Variants in PLCB4 observed in about 807,000 individuals in gnomAD.
PLCB4 encodes 1-phosphatidylinositol 4,5-bisphosphate phosphodiesterase beta-4.
PLCB4 carries 77 observed loss-of-function variants against 178.8 expected under a neutral mutation model. That is an observed-to-expected ratio of 0.43 (90% CI 0.36 to 0.52). The LOEUF (loss-of-function observed/expected upper bound fraction) is 0.52, where lower values mean the gene tolerates loss of function less well. Among genes scored for constraint, PLCB4 ranks in the 20% least tolerant of loss-of-function variants. PLCB4 has a pLI of 0.00. For missense variants in PLCB4, 1,024 were observed against 1,453.4 expected (o/e 0.70, Z 4.80); for synonymous variants, 496 against 490.8 (o/e 1.01, Z -0.14).
chr20:9,329,368 A>G (rs1217459302), intron 4 of PLCB4, among the ~76,000 whole-genome samples: 2 of 152,158 alleles, frequency 1.3e-5, no homozygotes, highest in Non-Finnish European at 2.9e-5. Flanking sequence ...TAGCTCCTAT[A>G]TCAATAATAA....
intron 2 of PLCB4, among the ~76,000 whole-genome samples, chr20:9,187,210 A>G (rs926416246): frequency 9.2e-5 from 14 of 151,964 alleles, no homozygotes; most frequent in Admixed American, 2.0e-4. Flanking sequence ...CCTGACCTCA[A>G]GTGATCTGTC....
chr20:9,363,070 C>T, intron 8 of PLCB4, 95 bp downstream of exon 8: 1 of 857,472 alleles, frequency 1.2e-6, no homozygotes, highest in Non-Finnish European at 1.9e-6. Flanking sequence ...CCTCCAAATT[C>T]CTGCTTGCCT....
chr20:9,378,947 G>T (rs947371572), intron 12 of PLCB4, among the ~76,000 whole-genome samples: 1 of 152,062 alleles, frequency 6.6e-6, no homozygotes, highest in Non-Finnish European at 1.5e-5. Context: ...ACTTTTAACA[G>T]TTGCTTTTTA....
chr20:9,431,321 T>C (rs929289746), intron 28 of PLCB4, among the ~76,000 whole-genome samples: 10 of 152,224 alleles, frequency 6.6e-5, no homozygotes, highest in African/African-American at 2.4e-4. Context: ...CACCCTGATC[T>C]AGTAGGATCT....
At position 9,480,474 on chromosome 20, in the gene PLCB4, A is replaced by G. The variant is rs1273698525; in HGVS notation, c.*1465A>G. The stretch of plus-strand genomic sequence containing the variant: ...TCTCTAATAAAAAATTAAAACACGC[A>G]TAACACTCGTCAAGAGTATTTGCTC... On this transcript the variant is annotated 3_prime_UTR_variant, in exon 40 of 40. Transcript: ENST00000378473. 6 of 152,642 alleles carry G rather than the reference A, an allele frequency of 3.9e-5. No individual in the cohort carries two copies. Among genetic ancestry groups the G allele is most frequent in the East Asian group, 1.9e-4 (1 of 5,202 alleles). The allele number at this position is 152,642 out of a possible 1,614,324, so 9.5% of individuals were successfully genotyped here.
intron 9 of PLCB4, among the ~76,000 whole-genome samples, chr20:9,369,303 C>A (rs536816999): frequency 6.6e-6 from 1 of 152,274 alleles, no homozygotes; most frequent in East Asian, 1.9e-4. Flanking sequence ...AAAGATTGTT[C>A]TCCTGAGAGC....
chr20:9,309,704 A>G lies in PLCB4; in HGVS notation c.84+1806A>G, dbSNP rs73093885. 9.4e-3 allele frequency among the ~76,000 whole-genome samples: 1,425 copies of G among 152,350 alleles called. 9 individuals carry two copies. The highest frequency in any genetic ancestry group is 0.015 in the Non-Finnish European group (1,022 of 68,026). ...TTACATGCAATCATTGGTTCAGTATATCTCCTACTGTTATGTAAGAAAAAG... is the reference window on the plus strand; with the variant it reads ...TTACATGCAATCATTGGTTCAGTATGTCTCCTACTGTTATGTAAGAAAAAG... On this transcript the variant is annotated intron_variant, in intron 4 of 39. Transcript: ENST00000378473.
Position 9,176,998 on chromosome 20 carries a change from T to C in PLCB4, c.-78-40392T>C, listed in dbSNP as rs1424444789. ...GGAGGAAACTGAGAAAGAATGATTA[T>C]ATAAGGAGCAACAATGATGGACTGG... On this transcript the variant is annotated intron_variant, in intron 2 of 39. Coordinates refer to ENST00000378473, the MANE Select transcript of PLCB4 (RefSeq NM_001377142.1). Among the ~76,000 whole-genome samples, 4 of 152,014 alleles carry C rather than the reference T, an allele frequency of 2.6e-5. No individual in the cohort carries two copies. The East Asian group carries it at 7.7e-4, about 29-fold the overall frequency.
At chr20:9,469,959 G>T (rs960134329) in intron 36 of PLCB4, among the ~76,000 whole-genome samples, 3 of 152,210 alleles carry the variant, frequency 2.0e-5, no homozygotes, top group Non-Finnish European at 4.4e-5. Flanking sequence ...AGCAGTTAGG[G>T]ACAGTGGGGT....
At chr20:9,168,269 ATGGAGGC>A (rs2093005558) in intron 2 of PLCB4, among the ~76,000 whole-genome samples, 1 of 152,160 alleles carries the variant, frequency 6.6e-6, no homozygotes, top group African/African-American at 2.4e-5. Context: ...TCTTATACAG[ATGGAGGC>A]TAGAACTGAA....
At chr20:9,083,440 T>C (rs1414913131) in intron 1 of PLCB4, among the ~76,000 whole-genome samples, 2 of 151,944 alleles carry the variant, frequency 1.3e-5, no homozygotes, top group Non-Finnish European at 2.9e-5. Flanking sequence ...ACATAAGAAA[T>C]GGAGCCAATT....
chr20:9,433,105 G>A (rs1460426815), intron 28 of PLCB4, among the ~76,000 whole-genome samples: 3 of 151,992 alleles, frequency 2.0e-5, no homozygotes, highest in Admixed American at 6.6e-5. Flanking sequence ...GAGAATCACC[G>A]AATTGCTGTG....
intron 7 of PLCB4, among the ~76,000 whole-genome samples, chr20:9,351,144 T>C (rs1339941515): frequency 1.3e-5 from 2 of 151,876 alleles, no homozygotes; most frequent in Non-Finnish European, 2.9e-5. Context: ...GTATTTCTTT[T>C]TTTTTTTTTT....
chr20:9,129,294 A>T (rs1269441416), intron 2 of PLCB4, among the ~76,000 whole-genome samples: 2 of 152,112 alleles, frequency 1.3e-5, no homozygotes, highest in Non-Finnish European at 2.9e-5. Flanking sequence ...ACCAATTAGG[A>T]TAGAAATTGG....
chr20:9,322,968 C>T (rs1360290160), intron 4 of PLCB4, among the ~76,000 whole-genome samples: 2 of 152,170 alleles, frequency 1.3e-5, no homozygotes, highest in Non-Finnish European at 2.9e-5. Context: ...ATACCTACCT[C>T]GCATTGCCAT....
At chr20:9,242,740 A>G (rs1441190317) in intron 3 of PLCB4, among the ~76,000 whole-genome samples, 2 of 152,114 alleles carry the variant, frequency 1.3e-5, no homozygotes, top group Admixed American at 1.3e-4. Flanking sequence ...CAAAGTGTGG[A>G]CCCTGGATGA....
At chr20:9,331,831 A>G (rs142922487) in intron 4 of PLCB4, among the ~76,000 whole-genome samples, 215 of 152,282 alleles carry the variant, frequency 1.4e-3, no homozygotes, top group African/African-American at 4.5e-3. Context: ...TAGTGGCACA[A>G]ACCCCTCAGA....
chr20:9,385,505 G>A (rs367616474), intron 14 of PLCB4, among the ~76,000 whole-genome samples: 21 of 150,780 alleles, frequency 1.4e-4, no homozygotes, highest in African/African-American at 4.1e-4. Flanking sequence ...CTTCCCAGTC[G>A]TGGCGGCTGG....
intron 1 of PLCB4, among the ~76,000 whole-genome samples, chr20:9,074,928 CA>C (rs796487196): frequency 3.0e-4 from 45 of 151,840 alleles, no homozygotes; most frequent in African/African-American, 1.0e-3. Context: ...CAGGGGCAGT[CA>C]CCATAGCTCT....
Sources: allele counts gnomAD v4.1 joint callset (sites outside exome capture counted in the v4.1 genomes callset), GRCh38; gene constraint gnomAD v4.1.1; transcripts MANE v1.5; gene names NCBI Gene and HGNC (gene_info 2026-07-23, HGNC 2026-07-21).